Variants in ACAP3 observed in about 807,000 individuals in gnomAD.
The protein encoded by ACAP3 is ArfGAP with coiled-coil, ankyrin repeat and PH domains 3.
Under a neutral mutation model 104.1 loss-of-function variants are expected in ACAP3, and 56 were observed. The ratio of observed to expected loss-of-function variants is 0.54; its 90% CI spans 0.43 to 0.67. The LOEUF is 0.67. Among genes scored for constraint, ACAP3 ranks in the 30% least tolerant of loss-of-function variants. The probability of loss-of-function intolerance (pLI) is 0.00; values close to 1 mark genes in which losing one functional copy is unlikely to be tolerated. For synonymous variants in ACAP3, 628 were observed against 496.2 expected (o/e 1.27, Z -3.53); for missense variants, 1,208 against 1,174.9 (o/e 1.03, Z -0.41).
Position 1,294,407 on chromosome 1 carries a change from G to T in ACAP3, c.2134C>A (p.Leu712Ile). The stretch of plus-strand genomic sequence containing the variant: ...AGCCCCCGTGGCTCGCTCACCCCTA[G>T]CACGGCCTGCACCAGCGGCGTCTTG... ...EGKTPLVQAV[L>I]GGSLIVCEFL... Residue 712 changes from leucine (L) to isoleucine (I), a missense_variant, in exon 21 of 24, where the codon CTA becomes ATA. Leu to Ile is a conservative substitution (Grantham distance 5). Transcript: ENST00000354700. 6.4e-7 allele frequency: 1 copy of T among 1,574,508 alleles called. No homozygotes were observed.
At position 1,301,132 on chromosome 1, in the gene ACAP3, ACAGTTATGGCT is replaced by A. The variant is rs372082587; in HGVS notation, c.339-451_339-441del. Among the ~76,000 whole-genome samples the A allele has an allele frequency of 4.9e-3, 739 of 151,842 alleles. 8 individuals carry two copies. Among genetic ancestry groups the A allele is most frequent in the African/African-American group, 0.016 (680 of 41,382 alleles). ...AGGCTGGAGGCTGGAGTGCAGTGGC[ACAGTTATGGCT>A]CACTGCAGCCTCTACCTCCCAGGCT... On this transcript the variant is annotated intron_variant, in intron 5 of 23. Transcript: ENST00000354700.
At position 1,296,042 on chromosome 1, in the gene ACAP3, C is replaced by G. The variant is rs761633758; in HGVS notation, c.1475G>C (p.Ser492Thr). 1.2e-5 allele frequency: 19 copies of G among 1,612,700 alleles called. 1 individual carries two copies. The Admixed American group carries it at 3.2e-4, about 27-fold the overall frequency. The change falls in exon 17 of 24, where the codon AGC becomes ACC. Residue 492 changes from serine to threonine, a missense_variant. By Grantham distance (58) the Ser-to-Thr change is moderately conservative. Coordinates refer to ENST00000354700, the MANE Select transcript of ACAP3 (RefSeq NM_030649.3). ...GGAGCTGCTGGCTGTGGGTTTCCTG[C>G]TGCCTGCACCCTCACACTGGGCCTC... ...IYEAQCEGAGSRKPTASSSRQ... is the reference protein window; with the variant it reads ...IYEAQCEGAGTRKPTASSSRQ...
intron 10 of ACAP3, 59 bp downstream of exon 10, chr1:1,299,286 G>GC: frequency 6.4e-7 from 1 of 1,570,664 alleles, no homozygotes. Flanking sequence ...GGAGGGAAAG[G>GC]CACCGCCCCA....
At position 1,303,945 on chromosome 1, in the gene ACAP3, C is replaced by T; in HGVS notation, c.105+141G>A. 1.7e-5 allele frequency: 17 copies of T among 1,001,304 alleles called. No homozygotes were observed. The highest frequency in any genetic ancestry group is 2.5e-5 in the Non-Finnish European group (17 of 678,796). 62.0% of individuals were successfully genotyped at this position (1,001,304 alleles called of 1,614,324 possible). ...ACCCTGGAACACACATGCTAAGACACAGGGACCAGGACCTGGAGCACCACA... is the reference window on the plus strand; with the variant it reads ...ACCCTGGAACACACATGCTAAGACATAGGGACCAGGACCTGGAGCACCACA... On this transcript the variant is annotated intron_variant, in intron 2 of 23. Transcript: ENST00000354700. The surrounding 1 kb of genome is among the most constrained non-coding windows in gnomAD (Gnocchi z 4.0).
At position 1,294,517 on chromosome 1, in the gene ACAP3, G is replaced by A. The variant is rs767493080; in HGVS notation, c.2024C>T (p.Ala675Val). Residue 675 changes from alanine (A) to valine (V), a missense_variant, in exon 21 of 24, where the codon GCA (alanine) becomes GTA (valine). Ala to Val is a moderately conservative substitution (Grantham distance 64, BLOSUM62 0). Coordinates refer to ENST00000354700, the MANE Select transcript of ACAP3 (RefSeq NM_030649.3). ...CGCAGGAAGGTCGCGGGCACGCGCT[G>A]CGCGGTGCGCCAAGAGCCCCGGGTG... ...ELHPGLLAHRAARARDLPALA... is the reference protein window; with the variant it reads ...ELHPGLLAHRVARARDLPALA... The A allele has an allele frequency of 6.6e-7, 1 of 1,505,036 alleles. No individual in the cohort carries two copies. The highest frequency in any genetic ancestry group is 1.3e-5 in the South Asian group (1 of 79,416). The allele number at this position is 1,505,036 out of a possible 1,614,324, so 93.2% of individuals were successfully genotyped here.
chr1:1,293,557 C>G lies in ACAP3; in HGVS notation c.*7G>C. 6.8e-7 allele frequency: 1 copy of G among 1,473,118 alleles called. No individual in the cohort carries two copies. The highest frequency in any genetic ancestry group is 9.0e-7 in the Non-Finnish European group (1 of 1,117,120). The allele number at this position is 1,473,118 out of a possible 1,614,324, so 91.3% of individuals were successfully genotyped here. On this transcript the variant is annotated 3_prime_UTR_variant, in exon 24 of 24. Coordinates refer to ENST00000354700, the MANE Select transcript of ACAP3 (RefSeq NM_030649.3). ...GGCGGGGTGGCAGCTGCCCGGCCTG[C>G]CCGGCCCTAGCTCTCTTCCAGGTGG...
chr1:1,298,206 T>C, intron 12 of ACAP3, 93 bp from the exon 13 acceptor site: 1 of 1,565,436 alleles, frequency 6.4e-7, no homozygotes. Flanking sequence ...GGAGGCCGAC[T>C]GCCTGAGCCC....
At position 1,296,109 on chromosome 1, in the gene ACAP3, G is replaced by C; in HGVS notation, c.1408C>G (p.Leu470Val). 1 of 1,612,722 alleles carries C rather than the reference G, an allele frequency of 6.2e-7. No individual in the cohort carries two copies. Among genetic ancestry groups the C allele is most frequent in the East Asian group, 2.2e-5 (1 of 44,878 alleles). ...LDSWEPELLK[L>V]MCELGNSAVN... ...GCGCTGTTTCCAAGCTCACACATCA[G>C]CTAGCGGGAGACAGGGCGAGCAGGC... The change falls in exon 17 of 24, where the codon CTG (leucine) becomes GTG (valine). Residue 470 changes from leucine (L) to valine (V), a missense_variant and splice_region_variant. By Grantham distance (32) the Leu-to-Val change is conservative (BLOSUM62 1). Transcript: ENST00000354700.
intron 4 of ACAP3, 24 bp from the exon 5 acceptor site, chr1:1,302,070 T>C: frequency 6.7e-7 from 1 of 1,492,548 alleles, no homozygotes. Flanking sequence ...CGGGCAGAGA[T>C]CCTTGGGGTC....
Position 1,303,347 on chromosome 1 carries a change from C to T in ACAP3, c.106-66G>A, listed in dbSNP as rs1641535295. ...CGCCTGCACTCGCCACCACACACGG[C>T]CACTCAGAGGCAGGAAGAGCTCCCA... On this transcript the variant is annotated intron_variant, in intron 2 of 23. Transcript: ENST00000354700. This position sits in a 1 kb window ranked among gnomAD's most constrained non-coding sequence, Gnocchi z 4.0. 1.3e-6 allele frequency: 2 copies of T among 1,533,864 alleles called. No individual in the cohort carries two copies. Among genetic ancestry groups the T allele is most frequent in the Non-Finnish European group, 1.8e-6 (2 of 1,137,670 alleles).
intron 9 of ACAP3, 187 bp downstream of exon 9, chr1:1,299,644 C>G: frequency 1.3e-6 from 1 of 761,438 alleles, no homozygotes. Context: ...CAGCAGCGGC[C>G]CCACCCACAC....
rs1043254291 is a variant in ACAP3 at position 1,303,949 on chromosome 1, G to A, written c.105+137C>T. On this transcript the variant is annotated intron_variant, in intron 2 of 23. Coordinates refer to ENST00000354700, the MANE Select transcript of ACAP3 (RefSeq NM_030649.3). The surrounding 1 kb of genome is among the most constrained non-coding windows in gnomAD (Gnocchi z 4.0). Reference sequence around the variant, plus strand: ...TGGAACACACATGCTAAGACACAGGGACCAGGACCTGGAGCACCACACGCA... The same window carrying A: ...TGGAACACACATGCTAAGACACAGGAACCAGGACCTGGAGCACCACACGCA... The A allele has an allele frequency of 1.0e-4, 107 of 1,026,412 alleles. No homozygotes were observed. Among genetic ancestry groups the A allele is most frequent in the Admixed American group, 1.5e-4 (7 of 45,312 alleles). 63.6% of individuals were successfully genotyped at this position (1,026,412 alleles called of 1,614,324 possible).
At chr1:1,299,723 T>C in intron 9 of ACAP3, 108 bp downstream of exon 9, 1 of 1,292,604 alleles carries the variant, frequency 7.7e-7, no homozygotes, top group Non-Finnish European at 1.1e-6. Context: ...GCAGGGCAGG[T>C]GGGAGACAGG....
rs1641526826 is a variant in ACAP3 at position 1,303,173 on chromosome 1, T to C, written c.214A>G (p.Thr72Ala). The C allele has an allele frequency of 6.2e-7, 1 of 1,601,918 alleles. No individual in the cohort carries two copies. ...AGTCGGCCCCTCACCGAGATGACGGTGTCGCCCTGGCACTGCTGGGACAGG... is the reference window on the plus strand; with the variant it reads ...AGTCGGCCCCTCACCGAGATGACGGCGTCGCCCTGGCACTGCTGGGACAGG... ...RDLSQQCQGDTVISECLQRFA... is the reference protein window; with the variant it reads ...RDLSQQCQGDAVISECLQRFA... The change falls in exon 3 of 24, where the codon ACC becomes GCC. Residue 72 changes from threonine to alanine, a missense_variant. Thr to Ala is a moderately conservative substitution (Grantham distance 58, BLOSUM62 0). Transcript: ENST00000354700. The surrounding 1 kb of genome is among the most constrained non-coding windows in gnomAD (Gnocchi z 4.0).
rs1641129463 is a variant in ACAP3, at chr1:1,296,063, G to C, written c.1454C>G (p.Ala485Gly). ...CCTGCTGCCTGCACCCTCACACTGG[G>C]CCTCATAGATCTGATTCACAGCGCT... ...GNSAVNQIYE[A>G]QCEGAGSRKP... Residue 485 changes from alanine (A) to glycine (G), a missense_variant, in exon 17 of 24, where the codon GCC becomes GGC. By Grantham distance (60) the Ala-to-Gly change is moderately conservative (BLOSUM62 0). Coordinates refer to ENST00000354700, the MANE Select transcript of ACAP3 (RefSeq NM_030649.3). 6.2e-7 allele frequency: 1 copy of C among 1,612,770 alleles called. No individual in the cohort carries two copies. Among genetic ancestry groups the C allele is most frequent in the Non-Finnish European group, 8.5e-7 (1 of 1,179,962 alleles).
chr1:1,306,766 G>C (rs947626357), intron 1 of ACAP3, among the ~76,000 whole-genome samples: 2 of 152,266 alleles, frequency 1.3e-5, no homozygotes, highest in Non-Finnish European at 2.9e-5. Context: ...TGTTCAAGGA[G>C]ACACTGCACA....
At chr1:1,305,212 G>A (rs1424147999) in intron 1 of ACAP3, 1 of 152,254 alleles carries the variant, frequency 6.6e-6, no homozygotes, top group African/African-American at 2.4e-5. Context: ...AGGACACTAG[G>A]TCCTCTCTGA....
Position 1,294,450 on chromosome 1 carries a change from C to A in ACAP3, c.2091G>T (p.Ala697=). 1 of 1,573,862 alleles carries A rather than the reference C, an allele frequency of 6.4e-7. No individual in the cohort carries two copies. The part of the protein sequence containing the change: ...ALAHGAEVNW[A]DAEDEGKTPL... ...GCGTCTTGCCCTCATCCTCCGCGTC[C>A]GCCCAGTTGACCTCGGCCCCGTGGG... is the stretch of plus-strand genomic sequence containing the variant. Residue 697 remains alanine, a synonymous_variant, in exon 21 of 24, where the codon GCG becomes GCT. Transcript: ENST00000354700.
chr1:1,303,428 C>T lies in ACAP3; in HGVS notation c.106-147G>A, dbSNP rs1462767067. On this transcript the variant is annotated intron_variant, in intron 2 of 23. Coordinates refer to ENST00000354700, the MANE Select transcript of ACAP3 (RefSeq NM_030649.3). The surrounding 1 kb of genome is among the most constrained non-coding windows in gnomAD (Gnocchi z 4.0). ...AGGACTCAGTGCCCCGGTGCAGCTT[C>T]CTCACGCCTGGGCCTGCCTGGGGCT... 3 of 1,178,982 alleles carry T rather than the reference C, an allele frequency of 2.5e-6. No individual in the cohort carries two copies. The highest frequency in any genetic ancestry group is 3.1e-5 in the South Asian group (2 of 63,930). The allele number at this position is 1,178,982 out of a possible 1,614,324, so 73.0% of individuals were successfully genotyped here. A position where few individuals can be genotyped will look rare whatever the true frequency, so the allele number is the denominator to read the frequency against.
Sources: gnomAD v4.1 joint callset for allele counts (sites outside exome capture counted in the v4.1 genomes callset) on GRCh38, gnomAD v4.1.1 for gene constraint, Gnocchi (gnomAD v3.1) non-coding constraint, MANE v1.5 for transcripts, NCBI Gene and HGNC (gene_info 2026-07-23, HGNC 2026-07-21) for gene names.